FAT1: variants seen among roughly 807,000 people sequenced by gnomAD.
FAT1 encodes protocadherin Fat 1.
A neutral mutation model predicts 329.8 loss-of-function variants in FAT1; 171 were observed. The observed-to-expected ratio is 0.52, with a 90% CI of 0.46 to 0.59. FAT1 has a LOEUF of 0.59. Ranked by LOEUF, FAT1 falls within the 20% of genes least tolerant of loss-of-function variation. The pLI is 0.00. For missense variants in FAT1, 5,672 were observed against 5,774.4 expected (o/e 0.98, Z 0.57); for synonymous variants, 2,233 against 2,228.6 (o/e 1.00, Z -0.06).
Position 186,723,824 on chromosome 4 carries a change from G to C in FAT1, c.-179C>G, listed in dbSNP as rs1745589594. ...GCTCCCGCGCCCTCTCCCCGCGCCC[G>C]GCCGCCCAGCTCGGCGCCGGCGCCT... On this transcript the variant is annotated 5_prime_UTR_variant, in exon 1 of 27. Coordinates refer to ENST00000441802, the MANE Select transcript of FAT1 (RefSeq NM_005245.4). 7.4e-6 allele frequency: 1 copy of C among 134,282 alleles called. No individual in the cohort carries two copies. Among genetic ancestry groups the C allele is most frequent in the African/African-American group, 2.8e-5 (1 of 35,378 alleles). The allele number at this position is 134,282 out of a possible 1,614,324, so 8.3% of individuals were successfully genotyped here.
chr4:186,629,983 G>C (rs1740513501), intron 7 of FAT1, among the ~76,000 whole-genome samples: 1 of 152,146 alleles, frequency 6.6e-6, no homozygotes, highest in African/African-American at 2.4e-5. Context: ...CATGTAGTGG[G>C]TACTGAGCAG....
At chr4:186,657,897 T>C (rs1741979082) in intron 3 of FAT1, among the ~76,000 whole-genome samples, 2 of 152,206 alleles carry the variant, frequency 1.3e-5, no homozygotes. Context: ...CCCGAGGTTG[T>C]TCGTGAATAA....
chr4:186,685,867 C>A (rs1230883811), intron 2 of FAT1, among the ~76,000 whole-genome samples: 2 of 152,196 alleles, frequency 1.3e-5, no homozygotes, highest in Admixed American at 6.5e-5. Flanking sequence ...AAGCAGCCAG[C>A]AAGCTGTAAG....
At chr4:186,589,241 A>G (rs1198844702) in intron 26 of FAT1, 21 bp from the exon 27 acceptor site, 2 of 1,579,360 alleles carry the variant, frequency 1.3e-6, no homozygotes, top group Non-Finnish European at 1.7e-6. Context: ...AAGAAAACAG[A>G]TGTCAGTGTG....
chr4:186,705,094 C>T (rs1351294939), intron 2 of FAT1, among the ~76,000 whole-genome samples: 1 of 150,706 alleles, frequency 6.6e-6, no homozygotes, highest in Non-Finnish European at 1.5e-5. Flanking sequence ...ACAGGTGTAC[C>T]ACCACCCCAG....
At chr4:186,609,049 G>A in intron 16 of FAT1, 134 bp downstream of exon 16, 1 of 819,116 alleles carries the variant, frequency 1.2e-6, no homozygotes, top group Non-Finnish European at 1.9e-6. Flanking sequence ...TGCTTTTCGA[G>A]TGTTTACATG....
At chr4:186,659,304 C>T (rs911822388) in intron 3 of FAT1, among the ~76,000 whole-genome samples, 2 of 152,182 alleles carry the variant, frequency 1.3e-5, no homozygotes, top group African/African-American at 4.8e-5. Flanking sequence ...GCATCCCTGG[C>T]ATTCAGCCTC....
chr4:186,608,846 C>G (rs571358334), intron 16 of FAT1, among the ~76,000 whole-genome samples: 1 of 152,328 alleles, frequency 6.6e-6, no homozygotes, highest in South Asian at 2.1e-4. Flanking sequence ...CAATTCCTCG[C>G]TGGAAATTCC....
At chr4:186,609,423 TG>T in intron 15 of FAT1, 103 bp from the exon 16 acceptor site, 8 of 1,358,610 alleles carry the variant, frequency 5.9e-6, no homozygotes, top group African/African-American at 1.5e-5. Context: ...TTTTTGTTGT[TG>T]TTTTTTTTTT....
chr4:186,633,180 A>C (rs960759828), intron 7 of FAT1, among the ~76,000 whole-genome samples: 2 of 152,222 alleles, frequency 1.3e-5, no homozygotes, highest in African/African-American at 2.4e-5. Flanking sequence ...TTAACACTTA[A>C]GTTTGAAATC....
intron 1 of FAT1, among the ~76,000 whole-genome samples, chr4:186,715,399 T>C (rs1227233157): frequency 1.3e-5 from 2 of 152,216 alleles, no homozygotes; most frequent in Admixed American, 1.3e-4. Flanking sequence ...AACCTGAATG[T>C]ACTCTGCAAA....
At chr4:186,589,292 G>A (rs2126358938) in intron 26 of FAT1, 72 bp from the exon 27 acceptor site, 1 of 1,478,238 alleles carries the variant, frequency 6.8e-7, no homozygotes, top group South Asian at 1.3e-5. Context: ...AGAGCTCAGT[G>A]TATCAAAGAC....
At chr4:186,629,447 T>C (rs1438329017) in intron 7 of FAT1, among the ~76,000 whole-genome samples, 4 of 152,194 alleles carry the variant, frequency 2.6e-5, no homozygotes, top group Non-Finnish European at 5.9e-5. Flanking sequence ...TTAAGAAACT[T>C]GGTACTAAGC....
At chr4:186,593,088 A>T (rs1454272744) in intron 26 of FAT1, among the ~76,000 whole-genome samples, 1 of 152,238 alleles carries the variant, frequency 6.6e-6, no homozygotes, top group Admixed American at 6.5e-5. Flanking sequence ...AACATCTTAC[A>T]GGCAAGACTC....
chr4:186,651,650 C>A (rs1741664824), intron 3 of FAT1, among the ~76,000 whole-genome samples: 1 of 152,192 alleles, frequency 6.6e-6, no homozygotes, highest in Non-Finnish European at 1.5e-5. Context: ...GCAGAGCCGA[C>A]AAGCCGACTA....
chr4:186,673,503 T>C (rs1378190329), intron 2 of FAT1, among the ~76,000 whole-genome samples: 2 of 152,220 alleles, frequency 1.3e-5, no homozygotes, highest in Non-Finnish European at 2.9e-5. Context: ...GTCTAGGAAA[T>C]TCTATAATCA....
At position 186,636,123 on chromosome 4, in the gene FAT1, A is replaced by C; in HGVS notation, c.4085T>G (p.Phe1362Cys). ...ACTTTCCATCACAGTAAAGGTAAAA[A>C]ATGATTCTTCAAATGAAATGGGCTC... ...SLEPISFEES[F>C]FTFTVMESDP... The change falls in exon 6 of 27, where the codon TTT becomes TGT. Residue 1362 changes from phenylalanine (F) to cysteine (C), a missense_variant. Phe to Cys is a radical substitution (Grantham distance 205). Coordinates refer to ENST00000441802, the MANE Select transcript of FAT1 (RefSeq NM_005245.4). 1.2e-6 allele frequency: 2 copies of C among 1,614,006 alleles called. No individual in the cohort carries two copies. The highest frequency in any genetic ancestry group is 1.7e-6 in the Non-Finnish European group (2 of 1,179,898).
In FAT1 at chr4:186,708,410, T is replaced by C. The variant is rs753074332; in HGVS notation, c.1418A>G (p.Asp473Gly). 1.2e-6 allele frequency: 2 copies of C among 1,613,976 alleles called. No individual in the cohort carries two copies. Among genetic ancestry groups the C allele is most frequent in the South Asian group, 1.1e-5 (1 of 91,076 alleles). The change falls in exon 2 of 27, where the codon GAT becomes GGT. Residue 473 changes from aspartate (D) to glycine (G), a missense_variant. Asp to Gly is a moderately conservative substitution (Grantham distance 94). Coordinates refer to ENST00000441802, the MANE Select transcript of FAT1 (RefSeq NM_005245.4). ...FTQTAYKAAF[D>G]ENVPIGTTVM... is the part of the protein sequence containing the mutation. Reference sequence around the variant, plus strand: ...AGTAGTACCAATGGGCACGTTCTCATCAAAAGCAGCTTTGTACGCTGTCTG... The same window carrying C: ...AGTAGTACCAATGGGCACGTTCTCACCAAAAGCAGCTTTGTACGCTGTCTG...
rs1424810823 is a variant in FAT1, at chr4:186,723,829, C to T, written c.-184G>A. On this transcript the variant is annotated 5_prime_UTR_variant, in exon 1 of 27. Transcript: ENST00000441802. Reference sequence around the variant, plus strand: ...CGCGCCCTCTCCCCGCGCCCGGCCGCCCAGCTCGGCGCCGGCGCCTCACGC... The same window carrying T: ...CGCGCCCTCTCCCCGCGCCCGGCCGTCCAGCTCGGCGCCGGCGCCTCACGC... The T allele has an allele frequency of 6.6e-6, 1 of 150,754 alleles. No individual in the cohort carries two copies. Among genetic ancestry groups the T allele is most frequent in the Non-Finnish European group, 1.5e-5 (1 of 67,688 alleles). 9.3% of individuals were successfully genotyped at this position (150,754 alleles called of 1,614,324 possible).
Sources: gnomAD v4.1 joint callset for allele counts (sites outside exome capture counted in the v4.1 genomes callset) on GRCh38, gnomAD v4.1.1 for gene constraint, MANE v1.5 for transcripts, NCBI Gene and HGNC (gene_info 2026-07-23, HGNC 2026-07-21) for gene names.